SLC16A2: variants seen among roughly 807,000 people sequenced by gnomAD.
The protein encoded by SLC16A2 is monocarboxylate transporter 8.
Under a neutral mutation model 27.2 loss-of-function variants are expected in SLC16A2, and 3 were observed. That is an observed-to-expected ratio of 0.11 (90% CI 0.05 to 0.28). SLC16A2 has a LOEUF of 0.28. SLC16A2 is among the 10% of genes least tolerant of loss of function. SLC16A2 has a pLI of 1.00. For missense variants in SLC16A2, 295 were observed against 458.5 expected, an observed-to-expected ratio of 0.64 and a Z score of 3.26; for synonymous variants, 202 against 187.8, an observed-to-expected ratio of 1.08 and a Z score of -0.62.
intron 1 of SLC16A2, among the ~76,000 whole-genome samples, chrX:74,472,248 T>G (rs2147852610): frequency 8.9e-6 from 1 of 112,146 alleles, no homozygotes; most frequent in African/African-American, 3.2e-5. Flanking sequence ...TTTTTGTTGC[T>G]TGTGCTTTTA....
intron 1 of SLC16A2, among the ~76,000 whole-genome samples, chrX:74,498,113 T>C (rs1929967807): frequency 9.0e-6 from 1 of 111,383 alleles, no homozygotes; most frequent in South Asian, 3.8e-4. Context: ...AGGATGATAA[T>C]AGTCTTTCCC....
At chrX:74,479,485 G>A (rs1181269304) in intron 1 of SLC16A2, among the ~76,000 whole-genome samples, 4 of 112,189 alleles carry the variant, frequency 3.6e-5, no homozygotes, top group Non-Finnish European at 5.6e-5. Flanking sequence ...CTCTCAACTC[G>A]TCAAAGTCAT....
intron 4 of SLC16A2, among the ~76,000 whole-genome samples, chrX:74,526,486 C>T (rs756493345): frequency 1.8e-5 from 2 of 112,327 alleles, no homozygotes; most frequent in South Asian, 7.4e-4. Context: ...CTCTGATAGC[C>T]CCAAGTGCCC....
At chrX:74,520,314 A>C (rs1018831657) in intron 1 of SLC16A2, among the ~76,000 whole-genome samples, 3 of 112,353 alleles carry the variant, frequency 2.7e-5, no homozygotes, top group Non-Finnish European at 5.6e-5. Context: ...AATAAAAAAA[A>C]AAGCTTGAAC....
At chrX:74,496,526 T>C (rs1027560107) in intron 1 of SLC16A2, among the ~76,000 whole-genome samples, 11 of 112,165 alleles carry the variant, frequency 9.8e-5, no homozygotes, top group African/African-American at 3.6e-4. Context: ...GAGAGGATTC[T>C]GATCCAGGGA....
At position 74,521,229 on chromosome X, in the gene SLC16A2, T is replaced by C. The variant is rs1930400837; in HGVS notation, c.575+95T>C. On this transcript the variant is annotated intron_variant, in intron 2 of 5. Transcript: ENST00000587091. The stretch of plus-strand genomic sequence containing the variant: ...TTACTTTTCTCACTGCAGAATCCCC[T>C]GTGGCCATGGCCCTGTAGGGCCCTC... 4 of 1,053,204 alleles carry C rather than the reference T, an allele frequency of 3.8e-6. 1 individual carries two copies. In the East Asian group the frequency reaches 1.2e-4, roughly 32 times the overall value. The allele number at this position is 1,053,204 out of a possible 1,213,427, so 86.8% of individuals were successfully genotyped here.
Position 74,507,299 on chromosome X carries a change from G to A in SLC16A2, c.431-13691G>A, listed in dbSNP as rs187436966. Among the ~76,000 whole-genome samples, 3 of 110,686 alleles carry A rather than the reference G, an allele frequency of 2.7e-5. No homozygotes were observed. The Admixed American group carries it at 2.9e-4, about 11-fold the overall frequency. ...ATTTTTGTTTTTTCAAAGCTTTATTGAGGAATAATTTACAAATAGTAAACC... is the reference window on the plus strand; with the variant it reads ...ATTTTTGTTTTTTCAAAGCTTTATTAAGGAATAATTTACAAATAGTAAACC... On this transcript the variant is annotated intron_variant, in intron 1 of 5. Coordinates refer to ENST00000587091, the MANE Select transcript of SLC16A2 (RefSeq NM_006517.5).
chrX:74,460,584 T>C lies in SLC16A2; in HGVS notation c.430+38517T>C, dbSNP rs1253012879. On this transcript the variant is annotated intron_variant, in intron 1 of 5. Coordinates refer to ENST00000587091, the MANE Select transcript of SLC16A2 (RefSeq NM_006517.5). ...ATTCTGACCAACATGAAATCAAATG[T>C]ATTGGCCTAGAGCCTGGCCTGTACC... 2.7e-5 allele frequency among the ~76,000 whole-genome samples: 3 copies of C among 112,607 alleles called. No individual in the cohort carries two copies. The East Asian group carries it at 8.3e-4, about 31-fold the overall frequency.
chrX:74,499,279 CTCT>C (rs774161884), intron 1 of SLC16A2, among the ~76,000 whole-genome samples: 14 of 110,173 alleles, frequency 1.3e-4, no homozygotes, highest in Non-Finnish European at 3.8e-5. Flanking sequence ...TCCTTGATGT[CTCT>C]TATCAGTTGC....
chrX:74,438,468 T>C (rs1426018793), intron 1 of SLC16A2, among the ~76,000 whole-genome samples: 3 of 113,025 alleles, frequency 2.7e-5, no homozygotes, highest in Non-Finnish European at 3.7e-5. Context: ...ACCACTTATA[T>C]GTACAAAACT....
At chrX:74,438,152 C>T (rs1037100226) in intron 1 of SLC16A2, among the ~76,000 whole-genome samples, 4 of 112,462 alleles carry the variant, frequency 3.6e-5, no homozygotes, top group Non-Finnish European at 7.5e-5. Context: ...GGGTAAGGCA[C>T]AGGATCTTAT....
At chrX:74,519,897 G>A (rs771338122) in intron 1 of SLC16A2, among the ~76,000 whole-genome samples, 1 of 110,858 alleles carries the variant, frequency 9.0e-6, no homozygotes, top group South Asian at 3.9e-4. Flanking sequence ...GGTAAGAGGT[G>A]AAATTGTGAT....
chrX:74,475,250 A>G (rs1242236236), intron 1 of SLC16A2, among the ~76,000 whole-genome samples: 1 of 110,225 alleles, frequency 9.1e-6, no homozygotes, highest in African/African-American at 3.3e-5. Flanking sequence ...GCATTTTTTC[A>G]TGTGTCTTTT....
chrX:74,493,295 C>T (rs910854044), intron 1 of SLC16A2, among the ~76,000 whole-genome samples: 3 of 112,024 alleles, frequency 2.7e-5, no homozygotes, highest in East Asian at 2.8e-4. Flanking sequence ...GGTTGGGGAG[C>T]GTGTTGTAAT....
rs189767430 is a variant in SLC16A2, at chrX:74,423,818, G to C, written c.430+1751G>C. 6.3e-5 allele frequency among the ~76,000 whole-genome samples: 7 copies of C among 111,825 alleles called. No individual in the cohort carries two copies. In the East Asian group the frequency reaches 2.0e-3, roughly 31 times the overall value. On this transcript the variant is annotated intron_variant, in intron 1 of 5. Coordinates refer to ENST00000587091, the MANE Select transcript of SLC16A2 (RefSeq NM_006517.5). ...GAGCATTGCCCTGTGGTTGAAGGCA[G>C]GCTGTTGGCCTTCAGGATCAGTGAG... is the stretch of plus-strand genomic sequence containing the variant.
At chrX:74,493,168 GA>G (rs1929863500) in intron 1 of SLC16A2, among the ~76,000 whole-genome samples, 2 of 111,842 alleles carry the variant, frequency 1.8e-5, no homozygotes, top group African/African-American at 6.5e-5. Flanking sequence ...ACTGAAGAGG[GA>G]CAGAGGTAAG....
At position 74,457,604 on chromosome X, in the gene SLC16A2, G is replaced by A. The variant is rs1370139300; in HGVS notation, c.430+35537G>A. On this transcript the variant is annotated intron_variant, in intron 1 of 5. Transcript: ENST00000587091. Reference sequence around the variant, plus strand: ...TTTTTACTTTTTCTTTACCCATCACGAAGGCCTCTGAGGAGACTGCCTGCC... The same window carrying A: ...TTTTTACTTTTTCTTTACCCATCACAAAGGCCTCTGAGGAGACTGCCTGCC... 3.6e-5 allele frequency among the ~76,000 whole-genome samples: 4 copies of A among 111,222 alleles called. No individual in the cohort carries two copies. The Admixed American group carries it at 3.9e-4, about 11-fold the overall frequency.
chrX:74,424,644 G>C, intron 1 of SLC16A2, among the ~76,000 whole-genome samples: 1 of 111,704 alleles, frequency 9.0e-6, no homozygotes, highest in South Asian at 3.8e-4. Context: ...CCACGCTCAA[G>C]GAATTTGGTG....
At chrX:74,511,872 A>G (rs1198528471) in intron 1 of SLC16A2, among the ~76,000 whole-genome samples, 1 of 111,993 alleles carries the variant, frequency 8.9e-6, no homozygotes, top group African/African-American at 3.2e-5. Flanking sequence ...GCACAAGGCC[A>G]GGGAAATAAT....
Sources: gnomAD v4.1 joint callset for allele counts (sites outside exome capture counted in the v4.1 genomes callset) on GRCh38, gnomAD v4.1.1 for gene constraint, MANE v1.5 for transcripts, NCBI Gene and HGNC (gene_info 2026-07-23, HGNC 2026-07-21) for gene names.